Variants in SATB2 observed in about 807,000 individuals in gnomAD.
The protein encoded by SATB2 is SATB homeobox 2.
In SATB2, 1 loss-of-function variant was observed where a neutral mutation model predicts 73.4. That is an observed-to-expected ratio of 0.01 (90% CI 0.00 to 0.06). The LOEUF (loss-of-function observed/expected upper bound fraction) is 0.06, where lower values mean the gene tolerates loss of function less well. Among genes scored for constraint, SATB2 ranks in the 10% least tolerant of loss-of-function variants. The probability of loss-of-function intolerance (pLI) is 1.00; values close to 1 mark genes in which losing one functional copy is unlikely to be tolerated. For missense variants in SATB2, 459 were observed against 945.8 expected (o/e 0.49, Z 6.75); for synonymous variants, 397 against 367.0 (o/e 1.08, Z -0.93).
At chr2:199,384,890 TAAAG>T (rs1173005719) in intron 3 of SATB2, among the ~76,000 whole-genome samples, 1 of 152,226 alleles carries the variant, frequency 6.6e-6, no homozygotes, top group Non-Finnish European at 1.5e-5. Flanking sequence ...TAATGTGTCT[TAAAG>T]AGAAGATATA....
At chr2:199,364,939 T>C (rs1035066606) in intron 6 of SATB2, among the ~76,000 whole-genome samples, 11 of 152,122 alleles carry the variant, frequency 7.2e-5, no homozygotes, top group Non-Finnish European at 1.5e-4. Context: ...ACTACATATA[T>C]GATTGCCACT....
chr2:199,419,095 T>G (rs1691088224), intron 3 of SATB2, among the ~76,000 whole-genome samples: 2 of 152,302 alleles, frequency 1.3e-5, no homozygotes, highest in South Asian at 4.2e-4. Flanking sequence ...CAGAACTATT[T>G]TGGTTCCACA....
intron 7 of SATB2, among the ~76,000 whole-genome samples, chr2:199,334,828 T>C (rs1574516832): frequency 2.0e-5 from 3 of 152,214 alleles, no homozygotes; most frequent in Admixed American, 2.0e-4. Flanking sequence ...AGTACTGGTA[T>C]CCTACTACCT....
intron 7 of SATB2, among the ~76,000 whole-genome samples, chr2:199,345,984 GATA>G (rs1369086418): frequency 1.3e-5 from 2 of 151,854 alleles, no homozygotes; most frequent in African/African-American, 4.8e-5. Flanking sequence ...CTTACAAATT[GATA>G]ATAACTCTTT....
intron 7 of SATB2, among the ~76,000 whole-genome samples, chr2:199,342,942 G>C (rs1688547912): frequency 6.6e-6 from 1 of 152,130 alleles, no homozygotes. Flanking sequence ...CAATGAATCA[G>C]CCATAACAGG....
At chr2:199,321,260 A>G (rs1687876639) in intron 9 of SATB2, among the ~76,000 whole-genome samples, 1 of 151,986 alleles carries the variant, frequency 6.6e-6, no homozygotes. Context: ...TAAGATATAT[A>G]TATCCATAAG....
chr2:199,348,252 A>G (rs1440153102), intron 7 of SATB2: 3 of 152,438 alleles, frequency 2.0e-5, no homozygotes, highest in Admixed American at 6.5e-5. Flanking sequence ...CTTTACTTAT[A>G]AAATTATAAA....
rs924915744 is a variant in SATB2 at position 199,433,483 on chromosome 2, C to T, written c.201G>A (p.Glu67=). ...GLMIPVFCVV[E]QLDGSLEYDN... is the part of the protein sequence containing the mutation. ...CATATTCAAGAGAGCCGTCCAACTG[C>T]TCCACGACACAAAAGACAGGAATCA... is the stretch of plus-strand genomic sequence containing the variant. The change falls in exon 3 of 11, where the codon GAG becomes GAA. Residue 67 remains glutamate (E), a synonymous_variant. Transcript: ENST00000417098. 1.2e-6 allele frequency: 2 copies of T among 1,614,172 alleles called. No individual in the cohort carries two copies. Among genetic ancestry groups the T allele is most frequent in the Admixed American group, 3.3e-5 (2 of 60,020 alleles).
At chr2:199,375,319 C>G (rs1340790514) in intron 5 of SATB2, among the ~76,000 whole-genome samples, 1 of 152,154 alleles carries the variant, frequency 6.6e-6, no homozygotes, top group African/African-American at 2.4e-5. Flanking sequence ...TGGTTACTCA[C>G]AGAGACATCA....
chr2:199,454,081 A>G (rs1402227310), intron 2 of SATB2, among the ~76,000 whole-genome samples: 1 of 152,130 alleles, frequency 6.6e-6, no homozygotes, highest in African/African-American at 2.4e-5. Context: ...CTATAGTCTC[A>G]GAAAATTTGA....
intron 9 of SATB2, among the ~76,000 whole-genome samples, chr2:199,309,729 T>C (rs978042155): frequency 6.6e-6 from 1 of 152,250 alleles, no homozygotes; most frequent in South Asian, 2.1e-4. Flanking sequence ...CACTGACTCA[T>C]GTCAAAATAT....
intron 10 of SATB2, among the ~76,000 whole-genome samples, chr2:199,287,212 A>G (rs991959572): frequency 1.3e-5 from 2 of 152,232 alleles, no homozygotes; most frequent in Non-Finnish European, 1.5e-5. Flanking sequence ...ATGATTTGTG[A>G]GCTTTGAAAC....
intron 3 of SATB2, 59 bp downstream of exon 3, chr2:199,433,279 T>A: frequency 6.5e-7 from 1 of 1,530,118 alleles, no homozygotes; most frequent in African/African-American, 1.4e-5. Context: ...AGAAAACATA[T>A]TCTTCCTCAA....
At chr2:199,416,123 T>C (rs571137216) in intron 3 of SATB2, among the ~76,000 whole-genome samples, 1 of 152,348 alleles carries the variant, frequency 6.6e-6, no homozygotes, top group South Asian at 2.1e-4. Context: ...AGGACTATTA[T>C]ATTTCTATTT....
intron 2 of SATB2, among the ~76,000 whole-genome samples, chr2:199,444,256 A>G (rs769095432): frequency 6.6e-6 from 1 of 152,154 alleles, no homozygotes; most frequent in Non-Finnish European, 1.5e-5. Flanking sequence ...TCCAAAGGCT[A>G]TCACCCAGCC....
chr2:199,275,500 A>C (rs1318066013), intron 10 of SATB2, among the ~76,000 whole-genome samples: 2 of 152,088 alleles, frequency 1.3e-5, no homozygotes, highest in South Asian at 4.1e-4. Context: ...TCAAGATTGA[A>C]CTGGAAACAT....
intron 7 of SATB2, among the ~76,000 whole-genome samples, chr2:199,332,812 G>C (rs1688226021): frequency 6.6e-6 from 1 of 152,018 alleles, no homozygotes; most frequent in Non-Finnish European, 1.5e-5. Context: ...ATCATGACTG[G>C]CTCTATAAAA....
intron 3 of SATB2, among the ~76,000 whole-genome samples, chr2:199,421,914 T>C (rs1388944234): frequency 6.6e-6 from 1 of 152,232 alleles, no homozygotes; most frequent in Non-Finnish European, 1.5e-5. Flanking sequence ...CAACTGTATC[T>C]GCACATAAAT....
intron 10 of SATB2, among the ~76,000 whole-genome samples, chr2:199,288,679 T>C (rs567905726): frequency 1.1e-4 from 17 of 152,302 alleles, no homozygotes; most frequent in African/African-American, 4.1e-4. Flanking sequence ...AAAACTGCAC[T>C]GTGTGAATCA....
Sources: allele counts gnomAD v4.1 joint callset (sites outside exome capture counted in the v4.1 genomes callset), GRCh38; gene constraint gnomAD v4.1.1; transcripts MANE v1.5; gene names NCBI Gene and HGNC (gene_info 2026-07-23, HGNC 2026-07-21).